HBS1L: variants seen among roughly 807,000 people sequenced by gnomAD.
The protein encoded by HBS1L is HBS1-like protein.
Under a neutral mutation model 88.9 loss-of-function variants are expected in HBS1L, and 55 were observed. The observed-to-expected ratio is 0.62, with a 90% CI of 0.50 to 0.77. The LOEUF (loss-of-function observed/expected upper bound fraction) is 0.77. Among genes scored for constraint, HBS1L ranks in the 30% least tolerant of loss-of-function variants. HBS1L has a pLI of 0.00. For missense variants in HBS1L, 741 were observed against 829.3 expected (o/e 0.89, Z 1.31); for synonymous variants, 267 against 288.5 (o/e 0.93, Z 0.76).
chr6:134,993,803 T>C lies in HBS1L; in HGVS notation c.1038A>G (p.Pro346=), dbSNP rs752567268. The change falls in exon 8 of 18, where the codon CCA becomes CCG. Residue 346 remains proline (P), a synonymous_variant. Transcript: ENST00000367837. ...TTKVITLMDA[P]GHKDFIPNMI... is the part of the protein sequence containing the mutation. ...TATTTGGAATGAAGTCCTTATGGCC[T>C]GGAGCATCCATTAATGTAATAACTT... The C allele has an allele frequency of 1.2e-6, 2 of 1,606,636 alleles. No individual in the cohort carries two copies. The highest frequency in any genetic ancestry group is 2.2e-5 in the South Asian group (2 of 89,938).
intron 4 of HBS1L, among the ~76,000 whole-genome samples, chr6:135,022,987 T>C (rs961636827): frequency 4.7e-5 from 7 of 150,534 alleles, no homozygotes; most frequent in Non-Finnish European, 7.4e-5. Context: ...TCCCATTTAC[T>C]GATGAGATAC....
At chr6:135,009,695 G>A (rs916326116) in intron 4 of HBS1L, among the ~76,000 whole-genome samples, 8 of 151,950 alleles carry the variant, frequency 5.3e-5, no homozygotes, top group South Asian at 2.1e-4. Context: ...GTGCAGTGGC[G>A]TGATCTCGGC....
rs756569693 is a variant in HBS1L, at chr6:134,982,464, C to A, written c.1591G>T (p.Val531Leu). The change falls in exon 13 of 18, where the codon GTG (valine) becomes TTG (leucine). Residue 531 changes from valine to leucine, a missense_variant. Physicochemically the swap from Val to Leu is conservative, Grantham distance 32 (BLOSUM62 1). This residue lies in a region of HBS1L where 181 missense variants were observed against 212.7 expected (regional missense o/e 0.85). Coordinates refer to ENST00000367837, the MANE Select transcript of HBS1L (RefSeq NM_006620.4). ...GCATCTTGCAGATAAATACCTTTCACGGTACAAGTTTCATTAGGAGGCATT... is the reference window on the plus strand; with the variant it reads ...GCATCTTGCAGATAAATACCTTTCAAGGTACAAGTTTCATTAGGAGGCATT... The part of the protein sequence containing the change: ...LAMPPNETCT[V>L]KGITLHDEPV... The A allele has an allele frequency of 6.3e-7, 1 of 1,589,324 alleles. No individual in the cohort carries two copies. The highest frequency in any genetic ancestry group is 1.1e-5 in the South Asian group (1 of 90,326).
chr6:135,025,460 A>T (rs896141316), intron 4 of HBS1L, among the ~76,000 whole-genome samples: 1 of 151,354 alleles, frequency 6.6e-6, no homozygotes, highest in African/African-American at 2.4e-5. Context: ...AAACCTTCTG[A>T]AGAGAATTTC....
rs868392446 is a variant in HBS1L at position 135,035,851 on chromosome 6, A to G, written c.430+3722T>C. ...AAATTCTCCATTCAAAGAACATGCA[A>G]CCATACTTGAAAACACTTTTTATAT... On this transcript the variant is annotated intron_variant, in intron 4 of 17. Coordinates refer to ENST00000367837, the MANE Select transcript of HBS1L (RefSeq NM_006620.4). The G allele has an allele frequency of 4.9e-5, 37 of 750,804 alleles. No individual in the cohort carries two copies. The African/African-American group carries it at 6.3e-4, about 13-fold the overall frequency. 46.5% of individuals were successfully genotyped at this position (750,804 alleles called of 1,614,324 possible).
intron 4 of HBS1L, among the ~76,000 whole-genome samples, chr6:135,003,300 T>G (rs1253143725): frequency 6.6e-6 from 1 of 152,222 alleles, no homozygotes; most frequent in African/African-American, 2.4e-5. Flanking sequence ...TGAATTGTGC[T>G]GGAATATAGT....
At chr6:134,987,548 T>C (rs892113796) in intron 9 of HBS1L, 97 bp downstream of exon 9, 24 of 802,356 alleles carry the variant, frequency 3.0e-5, no homozygotes, top group Admixed American at 2.8e-4. Flanking sequence ...GGCAACCGAC[T>C]AATAAAATGT....
rs1298417801 is a variant in HBS1L, at chr6:134,962,403, G to A, written c.*2876C>T. 1 of 152,004 alleles carries A rather than the reference G, an allele frequency of 6.6e-6. No individual in the cohort carries two copies. The highest frequency in any genetic ancestry group is 1.5e-5 in the Non-Finnish European group (1 of 68,006). 9.4% of individuals were successfully genotyped at this position (152,004 alleles called of 1,614,324 possible). ...AGTTACCTTTAGGTGACAGAACTGTGGGTTAATTTTATTCTTCCCTATATT... is the reference window on the plus strand; with the variant it reads ...AGTTACCTTTAGGTGACAGAACTGTAGGTTAATTTTATTCTTCCCTATATT... On this transcript the variant is annotated 3_prime_UTR_variant, in exon 18 of 18. Coordinates refer to ENST00000367837, the MANE Select transcript of HBS1L (RefSeq NM_006620.4).
At chr6:134,971,081 C>G (rs184230567) in intron 15 of HBS1L, among the ~76,000 whole-genome samples, 1 of 146,490 alleles carries the variant, frequency 6.8e-6, no homozygotes, top group Non-Finnish European at 1.5e-5. Context: ...ACTTTGGGAA[C>G]TTTCTAAACC....
At chr6:134,976,451 T>A (rs1774646309) in intron 15 of HBS1L, among the ~76,000 whole-genome samples, 1 of 152,116 alleles carries the variant, frequency 6.6e-6, no homozygotes, top group Admixed American at 6.6e-5. Context: ...AAAAGATACT[T>A]GAATGCATGT....
At chr6:135,039,831 C>G in intron 3 of HBS1L, 64 bp from the exon 4 acceptor site, 4 of 1,371,542 alleles carry the variant, frequency 2.9e-6, no homozygotes, top group Non-Finnish European at 4.0e-6. Flanking sequence ...TTTTAATCTT[C>G]AAAACTGATT....
In HBS1L at chr6:135,046,655, T is replaced by C. The variant is rs147241081; in HGVS notation, c.109+3927A>G. 1.5e-3 allele frequency among the ~76,000 whole-genome samples: 232 copies of C among 152,220 alleles called. 1 individual carries two copies. Among genetic ancestry groups the C allele is most frequent in the Middle Eastern group, 0.014 (4 of 294 alleles). On this transcript the variant is annotated intron_variant, in intron 2 of 17. Transcript: ENST00000367837. ...AGGAGGATCACTGGAGCTCAGGAATTTGAGACAAGCCTGGGCAGCATAGTG... is the reference window on the plus strand; with the variant it reads ...AGGAGGATCACTGGAGCTCAGGAATCTGAGACAAGCCTGGGCAGCATAGTG...
intron 4 of HBS1L, among the ~76,000 whole-genome samples, chr6:135,032,533 T>A (rs929915703): frequency 6.6e-6 from 1 of 152,146 alleles, no homozygotes; most frequent in Non-Finnish European, 1.5e-5. Flanking sequence ...TAAAACTGAC[T>A]TTATAACCAA....
rs903561524 is a variant in HBS1L at position 135,010,659 on chromosome 6, G to T, written c.431-7817C>A. On this transcript the variant is annotated intron_variant, in intron 4 of 17. Transcript: ENST00000367837. ...TTTTATTTGCTTAAGTGTCATGCAG[G>T]TAAGTTTCAAGAGTACATAACAAAT... Among the ~76,000 whole-genome samples the T allele has an allele frequency of 2.6e-5, 4 of 152,274 alleles. No homozygotes were observed. In the South Asian group the frequency reaches 8.3e-4, roughly 32 times the overall value.
Position 135,000,222 on chromosome 6 carries a change from A to ATTTTTTTTTTTTTTTTTTTT in HBS1L, c.539+2511_539+2512insAAAAAAAAAAAAAAAAAAAA, listed in dbSNP as rs33946758. On this transcript the variant is annotated intron_variant, in intron 5 of 17. Transcript: ENST00000367837. ...AGGCAAGCACCACTATACCCAGCTA[A>ATTTTTTTTTTTTTTTTTTTT]TTTTTTTTTTTTTTTGGTAGAGATG... Among the ~76,000 whole-genome samples, 52 of 129,414 alleles carry ATTTTTTTTTTTTTTTTTTTT rather than the reference A, an allele frequency of 4.0e-4. 2 individuals carry two copies. The highest frequency in any genetic ancestry group is 1.8e-3 in the African/African-American group (52 of 28,912). 84.9% of individuals were successfully genotyped at this position (129,414 alleles called of 152,430 possible). A position where few individuals can be genotyped will look rare whatever the true frequency, so the allele number is the denominator to read the frequency against.
At chr6:135,046,727 G>A (rs1321741193) in intron 2 of HBS1L, among the ~76,000 whole-genome samples, 1 of 152,092 alleles carries the variant, frequency 6.6e-6, no homozygotes, top group African/African-American at 2.4e-5. Flanking sequence ...ATATACACGT[G>A]CTGATGAATT....
In HBS1L at chr6:134,965,166, C is replaced by G. The variant is rs1774274902; in HGVS notation, c.*113G>C. The G allele has an allele frequency of 1.9e-5, 17 of 888,204 alleles. No individual in the cohort carries two copies. The highest frequency in any genetic ancestry group is 3.1e-5 in the Non-Finnish European group (17 of 542,846). The allele number at this position is 888,204 out of a possible 1,614,324, so 55.0% of individuals were successfully genotyped here. The stretch of plus-strand genomic sequence containing the variant: ...CTAATTTTAGCTTTAATTTTTCTCT[C>G]TCATCTAAAAACATATCAATTGCAC... On this transcript the variant is annotated 3_prime_UTR_variant, in exon 18 of 18. Transcript: ENST00000367837.
rs146702148 is a variant in HBS1L at position 134,975,313 on chromosome 6, A to G, written c.1797+3366T>C. Among the ~76,000 whole-genome samples the G allele has an allele frequency of 4.6e-5, 7 of 152,318 alleles. No individual in the cohort carries two copies. The East Asian group carries it at 1.2e-3, about 25-fold the overall frequency. On this transcript the variant is annotated intron_variant, in intron 15 of 17. Transcript: ENST00000367837. ...CCATGCTCATGAATTGGAAGAATCA[A>G]TATCATGGAAGAGACCACATTGCCC...
intron 15 of HBS1L, among the ~76,000 whole-genome samples, chr6:134,972,977 C>T (rs2114752910): frequency 1.3e-5 from 2 of 152,268 alleles, no homozygotes; most frequent in Admixed American, 1.3e-4. Flanking sequence ...AAATAGAACC[C>T]TTATGCACTG....
Sources: allele counts gnomAD v4.1 joint callset (sites outside exome capture counted in the v4.1 genomes callset), GRCh38; gene constraint gnomAD v4.1.1; regional missense constraint gnomAD v4.1.1; transcripts MANE v1.5; gene names NCBI Gene and HGNC (gene_info 2026-07-23, HGNC 2026-07-21).